The following ADGRL2 variants were observed in gnomAD, a reference collection of about 807,000 sequenced individuals.
ADGRL2 encodes the protein adhesion G protein-coupled receptor L2.
ADGRL2 carries 44 observed loss-of-function variants against 157.4 expected under a neutral mutation model. That is an observed-to-expected ratio of 0.28 (90% CI 0.22 to 0.36). ADGRL2 has a LOEUF of 0.36. Ranked by LOEUF, ADGRL2 falls within the 10% of genes least tolerant of loss-of-function variation. ADGRL2 has a pLI of 1.00. For missense variants in ADGRL2, 1,510 were observed against 1,768.9 expected, an observed-to-expected ratio of 0.85 and a Z score of 2.63; for synonymous variants, 585 against 624.7, an observed-to-expected ratio of 0.94 and a Z score of 0.95.
chr1:81,981,247 G>A (rs375792628), intron 18 of ADGRL2: 4 of 201,676 alleles, frequency 2.0e-5, no homozygotes, highest in African/African-American at 2.4e-5. Flanking sequence ...TGTTCATGAC[G>A]AAATCTCTCC....
chr1:81,616,357 G>A (rs1198412980), intron 3 of ADGRL2, among the ~76,000 whole-genome samples: 3 of 152,160 alleles, frequency 2.0e-5, no homozygotes, highest in Admixed American at 6.5e-5. Flanking sequence ...CAAGAGGCAG[G>A]TCTAACCATC....
intron 11 of ADGRL2, among the ~76,000 whole-genome samples, chr1:81,957,319 T>C (rs1368497188): frequency 6.6e-6 from 1 of 152,202 alleles, no homozygotes; most frequent in African/African-American, 2.4e-5. Flanking sequence ...ATCCAAGATA[T>C]TTTTATCCCA....
At chr1:81,752,027 G>A (rs1214208620) in intron 1 of ADGRL2, among the ~76,000 whole-genome samples, 1 of 152,130 alleles carries the variant, frequency 6.6e-6, no homozygotes, top group African/African-American at 2.4e-5. Context: ...GAATGTTTAT[G>A]TTCTCCCCCA....
chr1:81,571,022 A>G (rs1276520107), intron 2 of ADGRL2, among the ~76,000 whole-genome samples: 1 of 152,086 alleles, frequency 6.6e-6, no homozygotes, highest in Non-Finnish European at 1.5e-5. Flanking sequence ...AACTTTATTT[A>G]AAAAAATATA....
At chr1:81,601,643 A>G (rs1191604324) in intron 3 of ADGRL2, among the ~76,000 whole-genome samples, 2 of 152,202 alleles carry the variant, frequency 1.3e-5, no homozygotes, top group Non-Finnish European at 2.9e-5. Context: ...CTAACAAAAA[A>G]CAGCACAAGG....
At chr1:81,474,379 C>T (rs2078231100) in intron 2 of ADGRL2, among the ~76,000 whole-genome samples, 1 of 152,116 alleles carries the variant, frequency 6.6e-6, no homozygotes. Context: ...TAGTACTTGG[C>T]CCATAGTGGG....
intron 2 of ADGRL2, among the ~76,000 whole-genome samples, chr1:81,522,272 T>C (rs530731694): frequency 6.6e-6 from 1 of 152,264 alleles, no homozygotes; most frequent in South Asian, 2.1e-4. Flanking sequence ...GCCATAAATA[T>C]ACTTTCATAT....
chr1:81,484,211 AAT>A (rs1421598947), intron 2 of ADGRL2, among the ~76,000 whole-genome samples: 27 of 152,314 alleles, frequency 1.8e-4, no homozygotes, highest in Non-Finnish European at 4.4e-5. Flanking sequence ...ATAAAAAACA[AAT>A]ATGTCTCTAT....
chr1:81,890,476 A>T (rs2094231718), intron 2 of ADGRL2, among the ~76,000 whole-genome samples: 1 of 152,210 alleles, frequency 6.6e-6, no homozygotes, highest in African/African-American at 2.4e-5. Flanking sequence ...TTAACTCAAC[A>T]GCCAAGTGCC....
intron 1 of ADGRL2, among the ~76,000 whole-genome samples, chr1:81,706,278 A>C (rs535099776): frequency 6.6e-6 from 1 of 152,324 alleles, no homozygotes; most frequent in Admixed American, 6.5e-5. Context: ...TAAATGGTCA[A>C]GAAACCTTAG....
intron 1 of ADGRL2, among the ~76,000 whole-genome samples, chr1:81,408,638 C>T (rs566614984): frequency 2.1e-4 from 32 of 152,328 alleles, no homozygotes; most frequent in African/African-American, 7.5e-4. Flanking sequence ...CCCTTGTTCA[C>T]TCGTGCATAA....
intron 2 of ADGRL2, among the ~76,000 whole-genome samples, chr1:81,517,819 C>T (rs1456866369): frequency 6.6e-6 from 1 of 152,180 alleles, no homozygotes; most frequent in African/African-American, 2.4e-5. Flanking sequence ...TGTTTGCTTC[C>T]TGTTCGAGAC....
At chr1:81,715,542 T>C (rs2084086679) in intron 1 of ADGRL2, among the ~76,000 whole-genome samples, 1 of 152,148 alleles carries the variant, frequency 6.6e-6, no homozygotes, top group African/African-American at 2.4e-5. Flanking sequence ...TGGCTGGACA[T>C]AAGAAAAGGA....
At chr1:81,720,221 C>T (rs1267066654) in intron 1 of ADGRL2, among the ~76,000 whole-genome samples, 12 of 137,138 alleles carry the variant, frequency 8.8e-5, no homozygotes, top group Non-Finnish European at 3.1e-5. Context: ...CTTGCTCTGT[C>T]ACCCTGGCTA....
chr1:81,489,702 T>A (rs1452994726), intron 2 of ADGRL2, among the ~76,000 whole-genome samples: 1 of 152,174 alleles, frequency 6.6e-6, no homozygotes, highest in Non-Finnish European at 1.5e-5. Context: ...GAGAATCTTG[T>A]AAGCTGCAAG....
At chr1:81,353,960 G>T (rs1253492065) in intron 1 of ADGRL2, among the ~76,000 whole-genome samples, 1 of 152,156 alleles carries the variant, frequency 6.6e-6, no homozygotes, top group Admixed American at 6.5e-5. Context: ...CATTTAATAG[G>T]TGACTATAGA....
rs185687538 is a variant in ADGRL2, at chr1:81,903,445, C to T, written c.74-3572C>T. 4.6e-5 allele frequency among the ~76,000 whole-genome samples: 7 copies of T among 151,980 alleles called. No individual in the cohort carries two copies. In the East Asian group the frequency reaches 1.4e-3, roughly 29 times the overall value. ...AGTCAGAGTTGATCAGAGAAGGGTTCTGGAGTCTAAGCTCCCTGCATGGGT... is the reference window on the plus strand; with the variant it reads ...AGTCAGAGTTGATCAGAGAAGGGTTTTGGAGTCTAAGCTCCCTGCATGGGT... On this transcript the variant is annotated intron_variant, in intron 2 of 23. Coordinates refer to ENST00000686636, the MANE Select transcript of ADGRL2 (RefSeq NM_001366006.2).
chr1:81,531,050 C>T (rs1053158074), intron 2 of ADGRL2, among the ~76,000 whole-genome samples: 1 of 146,548 alleles, frequency 6.8e-6, no homozygotes, highest in African/African-American at 2.5e-5. Context: ...CACCACTGCA[C>T]TACAGCCTGG....
Position 81,955,933 on chromosome 1 carries a change from A to G in ADGRL2, c.1890A>G (p.Lys630=), listed in dbSNP as rs372868281. ...GACCCGAAGCTTTGGAATCATGGAAACATATGAATTCTTCTGAACAAGCAC... is the reference window on the plus strand; with the variant it reads ...GACCCGAAGCTTTGGAATCATGGAAGCATATGAATTCTTCTGAACAAGCAC... The part of the protein sequence containing the change: ...LLRPEALESW[K]HMNSSEQAHT... Residue 630 remains lysine (K), a synonymous_variant, in exon 11 of 24, where the codon AAA becomes AAG. Coordinates refer to ENST00000686636, the MANE Select transcript of ADGRL2 (RefSeq NM_001366006.2). The G allele has an allele frequency of 1.3e-4, 211 of 1,606,404 alleles. No homozygotes were observed. The highest frequency in any genetic ancestry group is 3.9e-4 in the Admixed American group (23 of 58,680).
Sources: gnomAD v4.1 joint callset for allele counts (sites outside exome capture counted in the v4.1 genomes callset) on GRCh38, gnomAD v4.1.1 for gene constraint, MANE v1.5 for transcripts, NCBI Gene and HGNC (gene_info 2026-07-23, HGNC 2026-07-21) for gene names.